Variants in CENPT observed in about 807,000 individuals in gnomAD.
The protein encoded by CENPT is interphase centromere complex protein 22.
CENPT carries 42 observed loss-of-function variants against 59.7 expected under a neutral mutation model. The observed-to-expected ratio is 0.70, with a 90% confidence interval of 0.55 to 0.91. The LOEUF (loss-of-function observed/expected upper bound fraction) is 0.91. CENPT is among the 40% of genes least tolerant of loss of function. CENPT has a pLI of 0.00. For missense variants in CENPT, 716 were observed against 713.4 expected (o/e 1.00, Z -0.04); for synonymous variants, 295 against 289.6 (o/e 1.02, Z -0.19).
At position 67,842,432 on chromosome 16, in the gene CENPT, T is replaced by G. The variant is rs934122786; in HGVS notation, c.-492+4969A>C. The G allele has an allele frequency of 1.5e-6, 1 of 649,684 alleles. No individual in the cohort carries two copies. Among genetic ancestry groups the G allele is most frequent in the Non-Finnish European group, 2.1e-6 (1 of 473,086 alleles). The allele number at this position is 649,684 out of a possible 1,614,324, so 40.2% of individuals were successfully genotyped here. On this transcript the variant is annotated intron_variant, in intron 1 of 15. Transcript: ENST00000562787. The surrounding 1 kb of genome is among the most constrained non-coding windows in gnomAD (Gnocchi z 4.9). ...GCGGGCCGGCTGCGCCGAGCGGCAG[T>G]GGTGGGATACCACCCAAGGCCTCGC...
chr16:67,832,010 A>G lies in CENPT; in HGVS notation c.386+2T>C. 1 of 1,594,122 alleles carries G rather than the reference A, an allele frequency of 6.3e-7. No individual in the cohort carries two copies. The highest frequency in any genetic ancestry group is 8.6e-7 in the Non-Finnish European group (1 of 1,168,590). On this transcript the variant is annotated splice_donor_variant, in intron 7 of 15. Coordinates refer to ENST00000562787, the MANE Select transcript of CENPT (RefSeq NM_025082.4). LOFTEE classifies it high-confidence loss of function. Reference sequence around the variant, plus strand: ...AATCCAAGGTGGGGGAGTTCTGTGTACCTGCCGCAACTGCTCTCTTGTCTG... The same window carrying G: ...AATCCAAGGTGGGGGAGTTCTGTGTGCCTGCCGCAACTGCTCTCTTGTCTG...
chr16:67,840,449 G>A (rs1291192897), intron 1 of CENPT, among the ~76,000 whole-genome samples: 1 of 152,180 alleles, frequency 6.6e-6, no homozygotes, highest in Non-Finnish European at 1.5e-5. Context: ...GTGGGAATAT[G>A]CATGGAGCTG....
intron 4 of CENPT, 150 bp downstream of exon 4, chr16:67,833,600 C>T (rs1215188132): frequency 6.2e-6 from 3 of 486,262 alleles, no homozygotes; most frequent in Non-Finnish European, 1.1e-5. Flanking sequence ...TTTTCCTCTT[C>T]GAACAGAGTC....
At chr16:67,833,255 C>T (rs1443496457) in intron 4 of CENPT, among the ~76,000 whole-genome samples, 2 of 152,252 alleles carry the variant, frequency 1.3e-5, no homozygotes, top group East Asian at 1.9e-4. Flanking sequence ...AGCTCCTTTC[C>T]CATTTCCCAG....
At chr16:67,832,570 C>T (rs374986603) in intron 4 of CENPT, 25 bp from the exon 5 acceptor site, 138 of 1,590,446 alleles carry the variant, frequency 8.7e-5, no homozygotes, top group Non-Finnish European at 1.2e-4. Flanking sequence ...GCAATTATGC[C>T]GAGAATTACG....
In CENPT at chr16:67,842,846, G is replaced by C. The variant is rs931697176; in HGVS notation, c.-492+4555C>G. On this transcript the variant is annotated intron_variant, in intron 1 of 15. Transcript: ENST00000562787. This position sits in a 1 kb window ranked among gnomAD's most constrained non-coding sequence, Gnocchi z 4.9. The stretch of plus-strand genomic sequence containing the variant: ...AGTAGCGCGCAGACCCGCTGGGGCC[G>C]CGGCCGCCCGCCGCAGGCAGCAGCA... The C allele has an allele frequency of 2.5e-6, 4 of 1,605,192 alleles. No individual in the cohort carries two copies. The highest frequency in any genetic ancestry group is 3.4e-6 in the Non-Finnish European group (4 of 1,178,670).
chr16:67,829,123 T>C, intron 13 of CENPT: 1 of 516,980 alleles, frequency 1.9e-6, no homozygotes, highest in Non-Finnish European at 3.4e-6. Flanking sequence ...GGCCTTAGAA[T>C]GGATAGTCTC....
chr16:67,834,477 G>T (rs1365434018), intron 3 of CENPT, among the ~76,000 whole-genome samples: 1 of 152,108 alleles, frequency 6.6e-6, no homozygotes, highest in Non-Finnish European at 1.5e-5. Flanking sequence ...AAATTATTCA[G>T]TCATGGTGGT....
intron 2 of CENPT, 35 bp from the exon 3 acceptor site, chr16:67,835,335 C>G (rs2057728808): frequency 6.6e-6 from 1 of 152,034 alleles, no homozygotes; most frequent in Admixed American, 6.6e-5. Flanking sequence ...ATACCTGAGA[C>G]AAGCATGGGC....
At chr16:67,830,956 GT>G in intron 10 of CENPT, 1 of 552,466 alleles carries the variant, frequency 1.8e-6, no homozygotes, top group Non-Finnish European at 3.2e-6. Context: ...CTCTCAACAA[GT>G]TTTGGCCACC....
At position 67,842,101 on chromosome 16, in the gene CENPT, TGAG is replaced by T. The variant is rs1229357647; in HGVS notation, c.-492+5297_-492+5299del. The T allele has an allele frequency of 6.6e-6, 1 of 152,308 alleles. No homozygotes were observed. Among genetic ancestry groups the T allele is most frequent in the East Asian group, 1.9e-4 (1 of 5,188 alleles). The allele number at this position is 152,308 out of a possible 1,614,324, so 9.4% of individuals were successfully genotyped here. Reference sequence around the variant, plus strand: ...GCCCCTATCAGGATTCGGGTCCTCGTGAGGAGCAGTCCAGGCGACAGCGTTCCA... The same window carrying T: ...GCCCCTATCAGGATTCGGGTCCTCGTGAGCAGTCCAGGCGACAGCGTTCCA... On this transcript the variant is annotated intron_variant, in intron 1 of 15. Transcript: ENST00000562787. The surrounding 1 kb of genome is among the most constrained non-coding windows in gnomAD (Gnocchi z 4.9).
At position 67,842,351 on chromosome 16, in the gene CENPT, A is replaced by AGGCG. The variant is rs935237689; in HGVS notation, c.-492+5046_-492+5049dup. On this transcript the variant is annotated intron_variant, in intron 1 of 15. Transcript: ENST00000562787. This position sits in a 1 kb window ranked among gnomAD's most constrained non-coding sequence, Gnocchi z 4.9. ...CACTCCCGAGCGCAGGCGGGCAGCC[A>AGGCG]GGCGGGCGGCGCGGCGCGGGCCGGC... 4.9e-6 allele frequency: 1 copy of AGGCG among 205,942 alleles called. No individual in the cohort carries two copies. Among genetic ancestry groups the AGGCG allele is most frequent in the African/African-American group, 2.3e-5 (1 of 42,628 alleles). The allele number at this position is 205,942 out of a possible 1,614,324, so 12.8% of individuals were successfully genotyped here.
intron 1 of CENPT, among the ~76,000 whole-genome samples, chr16:67,836,299 A>G (rs1429440581): frequency 1.3e-5 from 2 of 151,548 alleles, no homozygotes; most frequent in African/African-American, 2.4e-5. Context: ...TGACCTCATG[A>G]TCCGCCCACC....
At chr16:67,831,651 C>T (rs1423564041) in intron 8 of CENPT, 39 bp from the exon 9 acceptor site, 1 of 1,613,146 alleles carries the variant, frequency 6.2e-7, no homozygotes, top group Admixed American at 1.7e-5. Context: ...AGAAGAAAAC[C>T]ATGGTAAGTG....
At chr16:67,833,165 C>T (rs971533000) in intron 4 of CENPT, among the ~76,000 whole-genome samples, 1 of 152,350 alleles carries the variant, frequency 6.6e-6, no homozygotes, top group South Asian at 2.1e-4. Context: ...GCCACTCCCA[C>T]TGACTCAGGC....
intron 1 of CENPT, among the ~76,000 whole-genome samples, chr16:67,845,276 C>T (rs1362329407): frequency 1.3e-5 from 2 of 152,174 alleles, no homozygotes; most frequent in African/African-American, 4.8e-5. Context: ...CTCTTTCTTA[C>T]TTATGGACAA....
At chr16:67,844,823 T>G (rs2057786599) in intron 1 of CENPT, among the ~76,000 whole-genome samples, 1 of 152,002 alleles carries the variant, frequency 6.6e-6, no homozygotes, top group African/African-American at 2.4e-5. Context: ...AGCTTTGCTC[T>G]TGTCACCCAG....
chr16:67,829,472 T>C lies in CENPT; in HGVS notation c.1231A>G (p.Arg411Gly). The change falls in exon 13 of 16, where the codon AGG becomes GGG. Residue 411 changes from arginine to glycine, a missense_variant. Transcript: ENST00000562787. ...GGCTCAAGAAACTGATGATGTCGCC[T>C]GGCCTGGAGAGACTCAGGGGTGCTG... ...ASSTPESLQARRHHQFLEPAP... is the reference protein window; with the variant it reads ...ASSTPESLQAGRHHQFLEPAP... 1 of 1,585,258 alleles carries C rather than the reference T, an allele frequency of 6.3e-7. No homozygotes were observed. Among genetic ancestry groups the C allele is most frequent in the Non-Finnish European group, 8.5e-7 (1 of 1,172,630 alleles).
intron 1 of CENPT, among the ~76,000 whole-genome samples, chr16:67,836,837 G>T (rs1488071408): frequency 2.6e-5 from 4 of 151,104 alleles, no homozygotes; most frequent in Admixed American, 6.6e-5. Flanking sequence ...CCTCCCAAAG[G>T]TTCACGCCAT....
Sources: allele counts gnomAD v4.1 joint callset (sites outside exome capture counted in the v4.1 genomes callset), GRCh38; gene constraint gnomAD v4.1.1; non-coding constraint Gnocchi (gnomAD v3.1); transcripts MANE v1.5; gene names NCBI Gene and HGNC (gene_info 2026-07-23, HGNC 2026-07-21).